RIMS2: variants seen among roughly 807,000 people sequenced by gnomAD.
The protein encoded by RIMS2 is regulating synaptic membrane exocytosis 2, also known as regulating synaptic membrane exocytosis protein 2.
In RIMS2, 59 loss-of-function variants were observed where a neutral mutation model predicts 174.4. The ratio of observed to expected loss-of-function variants is 0.34; its 90% CI spans 0.27 to 0.42. The LOEUF (loss-of-function observed/expected upper bound fraction) is 0.42. Ranked by LOEUF, RIMS2 falls within the 10% of genes least tolerant of loss-of-function variation. The pLI, the probability that RIMS2 is intolerant of heterozygous loss-of-function variation, is 1.00. For missense variants in RIMS2, 1,620 were observed against 1,666.3 expected, an observed-to-expected ratio of 0.97 and a Z score of 0.48; for synonymous variants, 606 against 572.5, an observed-to-expected ratio of 1.06 and a Z score of -0.84.
At chr8:103,950,272 A>T (rs938823331) in intron 14 of RIMS2, among the ~76,000 whole-genome samples, 1 of 152,302 alleles carries the variant, frequency 6.6e-6, no homozygotes, top group Non-Finnish European at 1.5e-5. Context: ...AGCTCATTTT[A>T]TGAAACAAAC....
At chr8:104,106,316 T>C (rs2131425631) in intron 19 of RIMS2, among the ~76,000 whole-genome samples, 1 of 152,112 alleles carries the variant, frequency 6.6e-6, no homozygotes, top group East Asian at 1.9e-4. Flanking sequence ...TTCTATTTAT[T>C]TGTATTTCTG....
In RIMS2 at chr8:104,113,156, A is replaced by T. The variant is rs920486108; in HGVS notation, c.3334+98541A>T. On this transcript the variant is annotated intron_variant, in intron 19 of 23. Coordinates refer to ENST00000504942, the Ensembl canonical transcript of RIMS2. The stretch of plus-strand genomic sequence containing the variant: ...ACTATCTAGTACCCTGAACTAAACT[A>T]GGACTCTTCCTATGTCAGTGGTTGT... Among the ~76,000 whole-genome samples, 21 of 152,198 alleles carry T rather than the reference A, an allele frequency of 1.4e-4. 1 individual carries two copies. The highest frequency in any genetic ancestry group is 9.8e-4 in the Admixed American group (15 of 15,268).
chr8:103,528,273 C>A (rs574692459), intron 1 of RIMS2, among the ~76,000 whole-genome samples: 1 of 150,674 alleles, frequency 6.6e-6, no homozygotes, highest in East Asian at 2.0e-4. Context: ...TTGAGTTCTT[C>A]GTAGATTCTG....
intron 15 of RIMS2, among the ~76,000 whole-genome samples, chr8:103,968,340 T>C (rs982720053): frequency 5.3e-5 from 8 of 152,238 alleles, no homozygotes; most frequent in Non-Finnish European, 1.2e-4. Context: ...AAAGTGATTA[T>C]TGATATAGTG....
intron 19 of RIMS2, among the ~76,000 whole-genome samples, chr8:104,024,902 A>G (rs1204714263): frequency 2.0e-5 from 3 of 152,128 alleles, no homozygotes; most frequent in Non-Finnish European, 4.4e-5. Context: ...CTATTACCTA[A>G]TGGCTTATTT....
chr8:103,995,288 C>G (rs879745262), intron 17 of RIMS2, among the ~76,000 whole-genome samples: 16 of 152,074 alleles, frequency 1.1e-4, no homozygotes, highest in Non-Finnish European at 1.9e-4. Flanking sequence ...TTATCCTGGT[C>G]TAGCCAGACA....
At chr8:103,599,450 T>G (rs1000019921) in intron 1 of RIMS2, among the ~76,000 whole-genome samples, 2 of 149,284 alleles carry the variant, frequency 1.3e-5, no homozygotes, top group Non-Finnish European at 3.0e-5. Flanking sequence ...ATATATTTTT[T>G]TTCTTTGAGA....
chr8:103,583,046 G>T (rs1002700212), intron 1 of RIMS2, among the ~76,000 whole-genome samples: 1 of 152,240 alleles, frequency 6.6e-6, no homozygotes, highest in Non-Finnish European at 1.5e-5. Flanking sequence ...GGCCACAGGG[G>T]TGATTGTGTC....
chr8:103,663,912 C>T (rs1407965053), intron 1 of RIMS2, among the ~76,000 whole-genome samples: 1 of 152,200 alleles, frequency 6.6e-6, no homozygotes, highest in African/African-American at 2.4e-5. Context: ...ACCAAAACAG[C>T]ATGGTACTGG....
intron 3 of RIMS2, among the ~76,000 whole-genome samples, chr8:103,811,297 C>T (rs954769192): frequency 6.6e-6 from 1 of 152,064 alleles, no homozygotes; most frequent in Admixed American, 6.6e-5. Flanking sequence ...TCTTGGTCCT[C>T]TTTCTTTTAA....
chr8:103,788,064 G>A (rs966537566), intron 3 of RIMS2, among the ~76,000 whole-genome samples: 30 of 149,830 alleles, frequency 2.0e-4, no homozygotes, highest in Non-Finnish European at 3.1e-4. Flanking sequence ...TGATCGCATT[G>A]GCTCCTGAGG....
At chr8:103,937,733 G>T (rs2081591149) in intron 13 of RIMS2, among the ~76,000 whole-genome samples, 2 of 152,154 alleles carry the variant, frequency 1.3e-5, no homozygotes, top group African/African-American at 4.8e-5. Flanking sequence ...TTGGTCAATT[G>T]CATTGAAATT....
chr8:104,131,264 A>G (rs1251168428), intron 19 of RIMS2, among the ~76,000 whole-genome samples: 1 of 152,128 alleles, frequency 6.6e-6, no homozygotes, highest in African/African-American at 2.4e-5. Context: ...ACTATAAATA[A>G]TGATTGGAGT....
At chr8:103,822,528 A>G (rs1219814130) in intron 3 of RIMS2, among the ~76,000 whole-genome samples, 4 of 151,868 alleles carry the variant, frequency 2.6e-5, no homozygotes, top group African/African-American at 4.8e-5. Flanking sequence ...TTATTAAAAT[A>G]TTTTAGACTA....
At chr8:103,994,789 G>A (rs73699044) in intron 17 of RIMS2, among the ~76,000 whole-genome samples, 4,005 of 152,138 alleles carry the variant, frequency 0.026, 200 homozygotes, top group African/African-American at 0.091. Flanking sequence ...CATGACTAGA[G>A]ACAGAAAAGA....
chr8:103,740,974 AT>A (rs1326635700), intron 2 of RIMS2, among the ~76,000 whole-genome samples: 1 of 151,984 alleles, frequency 6.6e-6, no homozygotes, highest in Admixed American at 6.6e-5. Flanking sequence ...ACCTTTTTAT[AT>A]TTTTTCAACA....
Position 104,125,857 on chromosome 8 carries a change from C to T in RIMS2, c.3334+111242C>T, listed in dbSNP as rs113265919. Among the ~76,000 whole-genome samples the T allele has an allele frequency of 7.5e-3, 1,148 of 152,138 alleles. 16 individuals are homozygous for T. Among genetic ancestry groups the T allele is most frequent in the African/African-American group, 0.025 (1,049 of 41,524 alleles). On this transcript the variant is annotated intron_variant, in intron 19 of 23. Transcript: ENST00000504942. ...AAGCTAAATCTAATTTTTATATTTGCGGGGAAAGTTTTCAGAGCCCCAAAA... is the reference window on the plus strand; with the variant it reads ...AAGCTAAATCTAATTTTTATATTTGTGGGGAAAGTTTTCAGAGCCCCAAAA...
intron 19 of RIMS2, among the ~76,000 whole-genome samples, chr8:104,039,504 T>C (rs1165303981): frequency 6.6e-6 from 1 of 151,728 alleles, no homozygotes; most frequent in Non-Finnish European, 1.5e-5. Flanking sequence ...AGGAAAATAC[T>C]AGATGAAGAA....
chr8:104,170,325 ATTGT>A (rs918068442), intron 19 of RIMS2, among the ~76,000 whole-genome samples: 1 of 151,968 alleles, frequency 6.6e-6, no homozygotes, highest in Non-Finnish European at 1.5e-5. Flanking sequence ...TCTGGGAGTA[ATTGT>A]TTGATAAATT....
Sources: gnomAD v4.1 joint callset for allele counts (sites outside exome capture counted in the v4.1 genomes callset) on GRCh38, gnomAD v4.1.1 for gene constraint, MANE v1.5 for transcripts, NCBI Gene and HGNC (gene_info 2026-07-23, HGNC 2026-07-21) for gene names.